RUBCNL: variants seen among roughly 807,000 people sequenced by gnomAD.
RUBCNL encodes the protein rubicon like autophagy enhancer.
A neutral mutation model predicts 69.5 loss-of-function variants in RUBCNL; 62 were observed. That is an observed-to-expected ratio of 0.89 (90% CI 0.73 to 1.10). The LOEUF is 1.10. RUBCNL is among the 50% of genes least tolerant of loss of function. RUBCNL has a pLI of 0.00. For synonymous variants in RUBCNL, 291 were observed against 303.6 expected (o/e 0.96, Z 0.43); for missense variants, 768 against 798.1 (o/e 0.96, Z 0.45).
intron 5 of RUBCNL, among the ~76,000 whole-genome samples, chr13:46,366,890 TG>T (rs1285446523): frequency 6.6e-6 from 1 of 152,120 alleles, no homozygotes; most frequent in Non-Finnish European, 1.5e-5. Flanking sequence ...TCACAGGTCC[TG>T]GGGGGCCAGC....
rs879286262 is a variant in RUBCNL, at chr13:46,335,267, T to C, written c.*8118A>G. ...TTTGTTGTTGTTGTTGTTGTTTTTT[T>C]TTTTTTTTTTTTTTTTTTAAGAGAC... On this transcript the variant is annotated 3_prime_UTR_variant, in exon 15 of 15. Transcript: ENST00000429979. 4.3e-4 allele frequency among the ~76,000 whole-genome samples: 61 copies of C among 140,336 alleles called. No individual in the cohort carries two copies. Among genetic ancestry groups the C allele is most frequent in the African/African-American group, 1.6e-3 (60 of 37,948 alleles). 92.1% of individuals were successfully genotyped at this position (140,336 alleles called of 152,430 possible). A position where few individuals can be genotyped will look rare whatever the true frequency, so the allele number is the denominator to read the frequency against.
upstream of RUBCNL, chr13:46,387,526 C>T (rs2049280242): frequency 3.8e-5 from 37 of 985,646 alleles, no homozygotes; most frequent in Non-Finnish European, 4.5e-5. Context: ...CGGCGCGAGA[C>T]GCAACGACGC....
At chr13:46,357,317 A>T (rs2048510716) in intron 9 of RUBCNL, among the ~76,000 whole-genome samples, 2 of 134,078 alleles carry the variant, frequency 1.5e-5, no homozygotes, top group Admixed American at 1.6e-4. Context: ...TGGGCGATAG[A>T]GTGAGACTCC....
rs1462214768 is a variant in RUBCNL at position 46,341,891 on chromosome 13, T to G, written c.*1494A>C. The G allele has an allele frequency of 6.6e-6, 1 of 152,230 alleles. No homozygotes were observed. The highest frequency in any genetic ancestry group is 1.5e-5 in the Non-Finnish European group (1 of 68,044). The allele number at this position is 152,230 out of a possible 1,614,324, so 9.4% of individuals were successfully genotyped here. A position where few individuals can be genotyped will look rare whatever the true frequency, so the allele number is the denominator to read the frequency against. On this transcript the variant is annotated 3_prime_UTR_variant, in exon 15 of 15. Coordinates refer to ENST00000429979, the MANE Select transcript of RUBCNL (RefSeq NM_025113.5). ...TCTCTTCTCTAGGCCTCAGTTTCCTTGCCTGTAAATGGAGATATAGACATC... is the reference window on the plus strand; with the variant it reads ...TCTCTTCTCTAGGCCTCAGTTTCCTGGCCTGTAAATGGAGATATAGACATC...
intron 4 of RUBCNL, 165 bp downstream of exon 4, chr13:46,368,568 G>A (rs183608230): frequency 2.0e-4 from 177 of 903,376 alleles, no homozygotes; most frequent in East Asian, 1.2e-4. Context: ...GCACGGCCTC[G>A]GAACCCTTCT....
chr13:46,351,227 C>T (rs1400565406), intron 10 of RUBCNL, among the ~76,000 whole-genome samples: 1 of 152,124 alleles, frequency 6.6e-6, no homozygotes, highest in East Asian at 1.9e-4. Context: ...CACTGCATTC[C>T]ATCCAGCCTG....
At chr13:46,357,667 T>C (rs1274808691) in intron 9 of RUBCNL, among the ~76,000 whole-genome samples, 1 of 151,470 alleles carries the variant, frequency 6.6e-6, no homozygotes, top group Non-Finnish European at 1.5e-5. Flanking sequence ...TCTTATTCTG[T>C]TGCCCAGGCT....
chr13:46,370,505 TTCTTAA>T (rs1406349883), intron 3 of RUBCNL, among the ~76,000 whole-genome samples: 1 of 152,234 alleles, frequency 6.6e-6, no homozygotes, highest in Non-Finnish European at 1.5e-5. Flanking sequence ...AGGCTTCTTT[TTCTTAA>T]TCTTAAAGAA....
At chr13:46,375,525 T>C (rs1319832962) in intron 2 of RUBCNL, among the ~76,000 whole-genome samples, 1 of 152,068 alleles carries the variant, frequency 6.6e-6, no homozygotes, top group Non-Finnish European at 1.5e-5. Context: ...AGCGAGACTC[T>C]GTCTCAAAAA....
chr13:46,373,036 C>T (rs2048913811), intron 2 of RUBCNL, among the ~76,000 whole-genome samples: 1 of 151,816 alleles, frequency 6.6e-6, no homozygotes, highest in Non-Finnish European at 1.5e-5. Flanking sequence ...TGCAGTGGGG[C>T]CATCTCGGCT....
At chr13:46,367,252 T>A (rs2048778090) in intron 5 of RUBCNL, among the ~76,000 whole-genome samples, 1 of 152,004 alleles carries the variant, frequency 6.6e-6, no homozygotes, top group Non-Finnish European at 1.5e-5. Flanking sequence ...GGCTTCCCGG[T>A]CCCATGCTCC....
chr13:46,363,969 T>C (rs922725477), intron 5 of RUBCNL, among the ~76,000 whole-genome samples: 5 of 150,082 alleles, frequency 3.3e-5, no homozygotes, highest in Non-Finnish European at 7.4e-5. Context: ...ATCATTATTA[T>C]ATTATTAATA....
At chr13:46,343,535 T>C (rs754147880) in intron 14 of RUBCNL, 38 bp from the exon 15 acceptor site, 2 of 1,592,502 alleles carry the variant, frequency 1.3e-6, no homozygotes, top group Non-Finnish European at 1.7e-6. Context: ...AAACGGTCTA[T>C]CTTGTTTTCT....
intron 10 of RUBCNL, among the ~76,000 whole-genome samples, chr13:46,355,258 G>T (rs2048459413): frequency 6.6e-6 from 1 of 151,930 alleles, no homozygotes; most frequent in African/African-American, 2.4e-5. Flanking sequence ...CAGTCTCAAG[G>T]GGGAAACTTG....
Position 46,335,257 on chromosome 13 carries a change from G to GT in RUBCNL, c.*8127dup, listed in dbSNP as rs1199330759. ...TTTGTGTCTTTTTGTTGTTGTTGTT[G>GT]TTGTTTTTTTTTTTTTTTTTTTTTT... On this transcript the variant is annotated 3_prime_UTR_variant, in exon 15 of 15. Transcript: ENST00000429979. 0.016 allele frequency among the ~76,000 whole-genome samples: 1,617 copies of GT among 98,094 alleles called. 66 individuals are homozygous for GT. Among genetic ancestry groups the GT allele is most frequent in the African/African-American group, 0.061 (1,519 of 24,852 alleles). 64.4% of individuals were successfully genotyped at this position (98,094 alleles called of 152,430 possible). A position where few individuals can be genotyped will look rare whatever the true frequency, so the allele number is the denominator to read the frequency against.
intron 11 of RUBCNL, 133 bp from the exon 12 acceptor site, chr13:46,349,480 G>A (rs910514095): frequency 6.3e-6 from 5 of 790,672 alleles, no homozygotes; most frequent in South Asian, 1.6e-5. Context: ...AAAGCAAACC[G>A]CCTATACAGC....
chr13:46,350,051 A>G (rs1326771421), intron 11 of RUBCNL, 62 bp downstream of exon 11: 3 of 1,236,954 alleles, frequency 2.4e-6, no homozygotes, highest in African/African-American at 1.5e-5. Context: ...AGCTAGTGTG[A>G]TGTGCATTTC....
intron 12 of RUBCNL, 51 bp from the exon 13 acceptor site, chr13:46,345,651 C>T (rs11617125): frequency 0.16 from 260,402 of 1,583,396 alleles, 22,391 homozygotes; most frequent in Admixed American, 0.18. Flanking sequence ...ACACAGAGGA[C>T]AGGGAAGAAT....
chr13:46,340,428 T>C lies in RUBCNL; in HGVS notation c.*2957A>G, dbSNP rs2048133338. On this transcript the variant is annotated 3_prime_UTR_variant, in exon 15 of 15. Transcript: ENST00000429979. Reference sequence around the variant, plus strand: ...CATTATTACCATTTGCCCTTGCTTGTACCAGGCCTTTTAGTGGGTGCTTCA... The same window carrying C: ...CATTATTACCATTTGCCCTTGCTTGCACCAGGCCTTTTAGTGGGTGCTTCA... Among the ~76,000 whole-genome samples the C allele has an allele frequency of 6.6e-6, 1 of 152,212 alleles. No individual in the cohort carries two copies. Among genetic ancestry groups the C allele is most frequent in the South Asian group, 2.1e-4 (1 of 4,836 alleles).
Sources: allele counts gnomAD v4.1 joint callset (sites outside exome capture counted in the v4.1 genomes callset), GRCh38; gene constraint gnomAD v4.1.1; transcripts MANE v1.5; gene names NCBI Gene and HGNC (gene_info 2026-07-23, HGNC 2026-07-21).